The following RBM14 variants were observed in gnomAD, a reference collection of about 807,000 sequenced individuals.
RBM14 encodes RNA binding motif protein 14, also known as RNA-binding protein 14.
In RBM14, 5 loss-of-function variants were observed where a neutral mutation model predicts 52.8. The observed-to-expected ratio is 0.09, with a 90% CI of 0.05 to 0.20. The LOEUF is 0.20. Among genes scored for constraint, RBM14 ranks in the 10% least tolerant of loss-of-function variants. The pLI is 1.00. For synonymous variants in RBM14, 411 were observed against 401.8 expected (o/e 1.02, Z -0.28); for missense variants, 780 against 926.6 (o/e 0.84, Z 2.05).
At position 66,628,904 on chromosome 11, in the gene RBM14, A is replaced by G. The variant is rs763380682; in HGVS notation, c.*2236A>G. On this transcript the variant is annotated 3_prime_UTR_variant, in exon 3 of 3. Coordinates refer to ENST00000310137, the MANE Select transcript of RBM14 (RefSeq NM_006328.4). ...AAATGTGCTCTCAGGGCCAGTGGTG[A>G]TGTTCTGTGTTGCAGCCCCAGCTCT... Among the ~76,000 whole-genome samples the G allele has an allele frequency of 4.1e-4, 63 of 152,080 alleles. No homozygotes were observed. Among genetic ancestry groups the G allele is most frequent in the Non-Finnish European group, 6.8e-4 (46 of 68,024 alleles).
At chr11:66,626,434 C>G in intron 2 of RBM14, 27 bp from the exon 3 acceptor site, 3 of 1,593,894 alleles carry the variant, frequency 1.9e-6, no homozygotes, top group African/African-American at 1.3e-5. Flanking sequence ...TTGTCTCATT[C>G]ACCAACTGTC....
rs11550057 is a variant in RBM14, at chr11:66,625,409, C to T, written c.1533C>T (p.Thr511=). 0.15 allele frequency: 244,494 copies of T among 1,613,408 alleles called. 20,110 individuals carry two copies. Among genetic ancestry groups the T allele is most frequent in the Non-Finnish European group, 0.17 (199,111 of 1,179,844 alleles). Residue 511 remains threonine (T), a synonymous_variant, in exon 2 of 3, where the codon ACC becomes ACT. Transcript: ENST00000310137. This position sits in a 1 kb window ranked among gnomAD's most constrained non-coding sequence, Gnocchi z 4.2. ...CCTACGGGGCCCAACCTTCTGCCAC[C>T]CTGGCAGCTCCTTACCGCACTCAGT... ...AAAYGAQPSA[T]LAAPYRTQSS...
chr11:66,629,578 A>G lies in RBM14; in HGVS notation c.*2910A>G, dbSNP rs950407200. 1.3e-5 allele frequency among the ~76,000 whole-genome samples: 2 copies of G among 152,230 alleles called. No individual in the cohort carries two copies. The highest frequency in any genetic ancestry group is 2.9e-5 in the Non-Finnish European group (2 of 68,038). ...GTCCTATTAAGCCAAATAGGTGGAC[A>G]TCATGGGATGGATGAGGTCATCATG... On this transcript the variant is annotated 3_prime_UTR_variant, in exon 3 of 3. Coordinates refer to ENST00000310137, the MANE Select transcript of RBM14 (RefSeq NM_006328.4).
chr11:66,629,096 C>G lies in RBM14; in HGVS notation c.*2428C>G, dbSNP rs1413960329. Among the ~76,000 whole-genome samples the G allele has an allele frequency of 2.6e-5, 4 of 152,220 alleles. No homozygotes were observed. Among genetic ancestry groups the G allele is most frequent in the South Asian group, 2.1e-4 (1 of 4,832 alleles). On this transcript the variant is annotated 3_prime_UTR_variant, in exon 3 of 3. Coordinates refer to ENST00000310137, the MANE Select transcript of RBM14 (RefSeq NM_006328.4). ...GATTGTTTTAAAATCTCCCTCCCCT[C>G]TTTTATTTTAATTATGCCACCTGTG... is the stretch of plus-strand genomic sequence containing the variant.
intron 2 of RBM14, among the ~76,000 whole-genome samples, chr11:66,626,168 G>A (rs745612202): frequency 1.3e-5 from 2 of 152,214 alleles, no homozygotes; most frequent in African/African-American, 2.4e-5. Flanking sequence ...GTCTTTCTCT[G>A]CAGGGCCCAG....
intron 1 of RBM14, chr11:66,617,561 C>T (rs926310279): frequency 5.1e-6 from 5 of 989,048 alleles, no homozygotes; most frequent in Non-Finnish European, 6.0e-6. Flanking sequence ...GTAACGGGGC[C>T]CTTGGACGTT....
chr11:66,616,792 C>G lies in RBM14; in HGVS notation c.72C>G (p.Pro24=), dbSNP rs868766560. The change falls in exon 1 of 3, where the codon CCC becomes CCG. Residue 24 remains proline (P), a synonymous_variant. Transcript: ENST00000310137. ...AGGAGCTGGCAGCCCTCTTTGCGCC[C>G]TACGGCACGGTCATGAGCTGCGCCG... ...TPEELAALFA[P]YGTVMSCAVM... The G allele has an allele frequency of 1.9e-6, 3 of 1,610,076 alleles. No individual in the cohort carries two copies. The highest frequency in any genetic ancestry group is 2.5e-6 in the Non-Finnish European group (3 of 1,177,606).
rs753949927 is a variant in RBM14, at chr11:66,626,720, A to G, written c.*52A>G. ...GGAGGGAGGGAGAAAAGAGGTGGGTAGGGTTACAGATCCAGGTTATAACTA... is the reference window on the plus strand; with the variant it reads ...GGAGGGAGGGAGAAAAGAGGTGGGTGGGGTTACAGATCCAGGTTATAACTA... On this transcript the variant is annotated 3_prime_UTR_variant, in exon 3 of 3. Transcript: ENST00000310137. 2 of 1,485,138 alleles carry G rather than the reference A, an allele frequency of 1.3e-6. No individual in the cohort carries two copies. The highest frequency in any genetic ancestry group is 2.0e-5 in the Admixed American group (1 of 50,310). 92.0% of individuals were successfully genotyped at this position (1,485,138 alleles called of 1,614,324 possible).
chr11:66,621,472 G>A (rs1051160155), intron 1 of RBM14, among the ~76,000 whole-genome samples: 1 of 152,084 alleles, frequency 6.6e-6, no homozygotes, highest in Non-Finnish European at 1.5e-5. Flanking sequence ...CCGCCTCCCG[G>A]GTTAAAGTGA....
Position 66,624,828 on chromosome 11 carries a change from T to A in RBM14, c.952T>A (p.Tyr318Asn), listed in dbSNP as rs1393376423. The A allele has an allele frequency of 6.2e-7, 1 of 1,613,926 alleles. No homozygotes were observed. Among genetic ancestry groups the A allele is most frequent in the Non-Finnish European group, 8.5e-7 (1 of 1,179,978 alleles). ...AQPSASALSS[Y>N]GGQAAAASSL... ...GCCCTCAGCCTCGGCCCTTTCCTCC[T>A]ATGGGGGTCAGGCAGCTGCAGCTTC... Residue 318 changes from tyrosine (Y) to asparagine (N), a missense_variant, in exon 2 of 3, where the codon TAT becomes AAT. Coordinates refer to ENST00000310137, the MANE Select transcript of RBM14 (RefSeq NM_006328.4). The surrounding 1 kb of genome is among the most constrained non-coding windows in gnomAD (Gnocchi z 4.7).
Position 66,624,304 on chromosome 11 carries a change from A to G in RBM14, c.428A>G (p.Asn143Ser). ...AAAGAAGTGAAGGGCAAGCGCATCA[A>G]CGTGGAACTCTCCACCAAGGGTCAG... ...NGKEVKGKRI[N>S]VELSTKGQKK... is the part of the protein sequence containing the mutation. The change falls in exon 2 of 3, where the codon AAC becomes AGC. Residue 143 changes from asparagine (N) to serine (S), a missense_variant. This residue lies in a region of RBM14 where 33 missense variants were observed against 87.3 expected (regional missense o/e 0.38). Transcript: ENST00000310137. The surrounding 1 kb of genome is among the most constrained non-coding windows in gnomAD (Gnocchi z 4.7). 2 of 1,613,946 alleles carry G rather than the reference A, an allele frequency of 1.2e-6. No homozygotes were observed. Among genetic ancestry groups the G allele is most frequent in the Non-Finnish European group, 1.7e-6 (2 of 1,179,816 alleles).
chr11:66,622,854 T>C (rs1859179440), intron 1 of RBM14, among the ~76,000 whole-genome samples: 1 of 152,216 alleles, frequency 6.6e-6, no homozygotes, highest in South Asian at 2.1e-4. Flanking sequence ...ATGTGACAGA[T>C]AGCATCCTGG....
At position 66,617,064 on chromosome 11, in the gene RBM14, C is replaced by G. The variant is rs372369217; in HGVS notation, c.337+7C>G. Reference sequence around the variant, plus strand: ...GAGTGTGACGTGGTGAAAGGTAACGCGGAGGCGCGCTCGGGGGCGGGGGCG... The same window carrying G: ...GAGTGTGACGTGGTGAAAGGTAACGGGGAGGCGCGCTCGGGGGCGGGGGCG... On this transcript the variant is annotated splice_region_variant and intron_variant, in intron 1 of 2. Coordinates refer to ENST00000310137, the MANE Select transcript of RBM14 (RefSeq NM_006328.4). The G allele has an allele frequency of 1.6e-5, 25 of 1,566,128 alleles. No individual in the cohort carries two copies. Among genetic ancestry groups the G allele is most frequent in the East Asian group, 2.3e-5 (1 of 44,266 alleles).
In RBM14 at chr11:66,617,090, C is replaced by G. The variant is rs1858871175; in HGVS notation, c.337+33C>G. 1.9e-6 allele frequency: 3 copies of G among 1,548,838 alleles called. No individual in the cohort carries two copies. In the African/African-American group the frequency reaches 4.1e-5, roughly 21 times the overall value. ...GGAGGCGCGCTCGGGGGCGGGGGCG[C>G]GCTCGGGGCACTCTGCCTGTTAGCC... On this transcript the variant is annotated intron_variant, in intron 1 of 2. Coordinates refer to ENST00000310137, the MANE Select transcript of RBM14 (RefSeq NM_006328.4).
Position 66,625,784 on chromosome 11 carries a change from C to G in RBM14, c.1802+106C>G. On this transcript the variant is annotated intron_variant, in intron 2 of 2. Transcript: ENST00000310137. This position sits in a 1 kb window ranked among gnomAD's most constrained non-coding sequence, Gnocchi z 4.2. ...GCATCGGCCCCTCCCTCGGTCTTCT[C>G]TTCTCTATTTTTGTGGGATGTCCAG... 1.1e-6 allele frequency: 1 copy of G among 882,208 alleles called. No homozygotes were observed. The highest frequency in any genetic ancestry group is 1.7e-6 in the Non-Finnish European group (1 of 589,496). The allele number at this position is 882,208 out of a possible 1,614,324, so 54.6% of individuals were successfully genotyped here. A position where few individuals can be genotyped will look rare whatever the true frequency, so the allele number is the denominator to read the frequency against.
Position 66,624,498 on chromosome 11 carries a change from C to T in RBM14, c.622C>T (p.Pro208Ser), listed in dbSNP as rs370454124. The T allele has an allele frequency of 2.5e-6, 4 of 1,612,848 alleles. No individual in the cohort carries two copies. The African/African-American group carries it at 5.3e-5, about 22-fold the overall frequency. The change falls in exon 2 of 3, where the codon CCC (proline) becomes TCC (serine). Residue 208 changes from proline to serine, a missense_variant. By Grantham distance (74) the Pro-to-Ser change is moderately conservative (BLOSUM62 -1). Around this residue, in one of 4 missense-constraint regions of RBM14, gnomAD observed 675 missense variants for 697.3 expected, o/e 0.97. Transcript: ENST00000310137. This position sits in a 1 kb window ranked among gnomAD's most constrained non-coding sequence, Gnocchi z 4.7. ...TGGGCAAGCCCGTCAGCCCACACCA[C>T]CCTTCTTTGGTCGCGACCGCAGCCC... ...FDGQARQPTP[P>S]FFGRDRSPLR... is the part of the protein sequence containing the mutation.
chr11:66,620,987 A>T (rs1431948596), intron 1 of RBM14: 1 of 151,474 alleles, frequency 6.6e-6, no homozygotes, highest in Admixed American at 6.6e-5. Context: ...TTTTATTTTT[A>T]TTTTTTATTT....
intron 1 of RBM14, chr11:66,617,380 C>G (rs1184177436): frequency 8.6e-7 from 1 of 1,165,234 alleles, no homozygotes; most frequent in Non-Finnish European, 1.1e-6. Context: ...TGGCACCCAG[C>G]GGAAATTGGG....
Position 66,625,113 on chromosome 11 carries a change from C to A in RBM14, c.1237C>A (p.Gln413Lys). The A allele has an allele frequency of 6.2e-7, 1 of 1,613,366 alleles. No individual in the cohort carries two copies. Among genetic ancestry groups the A allele is most frequent in the East Asian group, 2.2e-5 (1 of 44,864 alleles). Residue 413 changes from glutamine to lysine, a missense_variant, in exon 2 of 3, where the codon CAG becomes AAG. Transcript: ENST00000310137. This position sits in a 1 kb window ranked among gnomAD's most constrained non-coding sequence, Gnocchi z 4.2. ...NAQPSASYNA[Q>K]SAPYAAQQAA... ...CCAGCCCTCGGCCTCTTACAATGCC[C>A]AGTCTGCCCCATATGCTGCACAGCA...
Sources: gnomAD v4.1 joint callset for allele counts (sites outside exome capture counted in the v4.1 genomes callset) on GRCh38, gnomAD v4.1.1 for gene constraint, gnomAD v4.1.1 regional missense constraint, Gnocchi (gnomAD v3.1) non-coding constraint, MANE v1.5 for transcripts, NCBI Gene and HGNC (gene_info 2026-07-23, HGNC 2026-07-21) for gene names.